GPC5: variants seen among roughly 807,000 people sequenced by gnomAD.
GPC5 encodes the protein glypican-5.
In GPC5, 47 loss-of-function variants were observed where a neutral mutation model predicts 53.9. That is an observed-to-expected ratio of 0.87 (90% CI 0.69 to 1.11). The LOEUF is 1.11. Among genes scored for constraint, GPC5 ranks in the 50% most tolerant of loss-of-function variants. GPC5 has a pLI of 0.00. For synonymous variants in GPC5, 286 were observed against 263.3 expected, an observed-to-expected ratio of 1.09 and a Z score of -0.84; for missense variants, 748 against 713.1, an observed-to-expected ratio of 1.05 and a Z score of -0.56.
chr13:91,496,946 C>G (rs945934130), intron 2 of GPC5, among the ~76,000 whole-genome samples: 36 of 152,074 alleles, frequency 2.4e-4, no homozygotes, highest in African/African-American at 8.7e-4. Flanking sequence ...ATTTATTTAA[C>G]AAAGTCCTTA....
At chr13:92,189,137 C>T (rs2042204597) in intron 7 of GPC5, among the ~76,000 whole-genome samples, 2 of 152,122 alleles carry the variant, frequency 1.3e-5, no homozygotes, top group Admixed American at 1.3e-4. Context: ...TACTAGGTCC[C>T]CACGGTGACT....
intron 6 of GPC5, among the ~76,000 whole-genome samples, chr13:91,939,451 A>G (rs965498366): frequency 2.0e-5 from 3 of 152,136 alleles, no homozygotes; most frequent in African/African-American, 4.8e-5. Flanking sequence ...ACCATACATA[A>G]CATCAGCAAG....
intron 7 of GPC5, among the ~76,000 whole-genome samples, chr13:92,184,948 G>A (rs2042173719): frequency 6.6e-6 from 1 of 152,158 alleles, no homozygotes; most frequent in Non-Finnish European, 1.5e-5. Flanking sequence ...AATTCACTAA[G>A]TAATTTGCTG....
chr13:92,162,740 A>G (rs1411635946), intron 7 of GPC5, among the ~76,000 whole-genome samples: 2 of 152,326 alleles, frequency 1.3e-5, no homozygotes, highest in African/African-American at 4.8e-5. Context: ...TCAAGAATGT[A>G]TGTGGTCATA....
intron 7 of GPC5, among the ~76,000 whole-genome samples, chr13:92,522,269 T>A (rs1291005684): frequency 6.6e-6 from 1 of 152,136 alleles, no homozygotes; most frequent in Non-Finnish European, 1.5e-5. Context: ...CATTGCTGGA[T>A]ATATACCCAA....
intron 7 of GPC5, among the ~76,000 whole-genome samples, chr13:92,621,623 C>A (rs11618886): frequency 6.6e-6 from 1 of 151,856 alleles, no homozygotes; most frequent in South Asian, 2.1e-4. Context: ...AGCTCAAGAC[C>A]AGCCTGGCCA....
chr13:92,694,049 T>G (rs1010551562), intron 7 of GPC5, among the ~76,000 whole-genome samples: 4 of 152,178 alleles, frequency 2.6e-5, no homozygotes, highest in African/African-American at 9.6e-5. Flanking sequence ...CTGGGGCTGT[T>G]GCTTCAGAGT....
intron 2 of GPC5, among the ~76,000 whole-genome samples, chr13:91,490,021 C>G (rs1268883426): frequency 6.6e-6 from 1 of 152,092 alleles, no homozygotes; most frequent in Admixed American, 6.6e-5. Flanking sequence ...CTTTTGTATA[C>G]CCACTTGTTC....
At chr13:92,570,231 A>G (rs567397151) in intron 7 of GPC5, among the ~76,000 whole-genome samples, 5 of 152,308 alleles carry the variant, frequency 3.3e-5, no homozygotes, top group African/African-American at 1.2e-4. Flanking sequence ...AAGAGTTAAT[A>G]TCGGTGTATT....
At chr13:92,599,552 G>A (rs1039436685) in intron 7 of GPC5, among the ~76,000 whole-genome samples, 1 of 152,164 alleles carries the variant, frequency 6.6e-6, no homozygotes, top group Non-Finnish European at 1.5e-5. Flanking sequence ...GGAAAATGAA[G>A]GGGCTGATAA....
chr13:92,477,050 AAAATAAATAAATAAATAAAT>A (rs139711160), intron 7 of GPC5, among the ~76,000 whole-genome samples: 1 of 149,488 alleles, frequency 6.7e-6, no homozygotes, highest in Non-Finnish European at 1.5e-5. Context: ...ATAATAATAA[AAAATAAATAAATAAATAAAT>A]AAATAAATAA....
intron 7 of GPC5, among the ~76,000 whole-genome samples, chr13:92,818,932 G>C (rs1259521518): frequency 6.6e-6 from 1 of 151,988 alleles, no homozygotes; most frequent in Non-Finnish European, 1.5e-5. Context: ...GATTAAATTA[G>C]ATTTTCATAG....
intron 6 of GPC5, among the ~76,000 whole-genome samples, chr13:91,965,966 T>C (rs755248511): frequency 3.3e-5 from 5 of 152,202 alleles, no homozygotes; most frequent in Admixed American, 1.3e-4. Context: ...ATGGGAGGAA[T>C]GCTATTTTTT....
At chr13:91,951,882 C>T (rs2040028851) in intron 6 of GPC5, among the ~76,000 whole-genome samples, 1 of 152,130 alleles carries the variant, frequency 6.6e-6, no homozygotes, top group African/African-American at 2.4e-5. Context: ...GAAGTCTATA[C>T]AACATATTTA....
intron 7 of GPC5, among the ~76,000 whole-genome samples, chr13:92,514,447 A>G (rs1880693546): frequency 1.3e-5 from 2 of 152,144 alleles, no homozygotes; most frequent in Non-Finnish European, 2.9e-5. Context: ...GGTACAAGGA[A>G]AACCACAGAA....
chr13:92,158,235 T>C, intron 7 of GPC5, among the ~76,000 whole-genome samples: 1 of 152,204 alleles, frequency 6.6e-6, no homozygotes, highest in East Asian at 1.9e-4. Context: ...GAGGAAGGAA[T>C]GATAGACGAG....
intron 6 of GPC5, among the ~76,000 whole-genome samples, chr13:92,062,461 T>C (rs895154207): frequency 2.6e-5 from 4 of 151,984 alleles, no homozygotes; most frequent in Non-Finnish European, 5.9e-5. Flanking sequence ...TATTAGTGGA[T>C]GTTGTCATCT....
chr13:92,367,326 C>T (rs1384114424), intron 7 of GPC5, among the ~76,000 whole-genome samples: 1 of 152,056 alleles, frequency 6.6e-6, no homozygotes, highest in African/African-American at 2.4e-5. Context: ...TTTTAATAAG[C>T]ATGATGCTTT....
At chr13:92,264,494 T>TACAC (rs796178684) in intron 7 of GPC5, among the ~76,000 whole-genome samples, 2 of 150,896 alleles carry the variant, frequency 1.3e-5, no homozygotes, top group East Asian at 3.9e-4. Context: ...CACACACACA[T>TACAC]ACACACACAC....
Sources: gnomAD v4.1 joint callset for allele counts (sites outside exome capture counted in the v4.1 genomes callset) on GRCh38, gnomAD v4.1.1 for gene constraint, MANE v1.5 for transcripts, NCBI Gene and HGNC (gene_info 2026-07-23, HGNC 2026-07-21) for gene names.